The following CCDC201 variants were observed in gnomAD, a reference collection of about 807,000 sequenced individuals.
CCDC201 encodes the protein coiled-coil domain containing 201.
intron 1 of CCDC201, among the ~76,000 whole-genome samples, chr7:45,869,538 C>T (rs939473595): frequency 3.3e-5 from 5 of 152,178 alleles, no homozygotes; most frequent in African/African-American, 1.2e-4. Context: ...TGATCATGAC[C>T]ACTTACAGAG....
upstream of CCDC201, among the ~76,000 whole-genome samples, chr7:45,875,595 A>G (rs182125039): frequency 1.1e-4 from 17 of 152,314 alleles, no homozygotes; most frequent in African/African-American, 3.8e-4. Flanking sequence ...ATTTTTTCTA[A>G]AAACAACACC....
chr7:45,883,971 CTTTCTTTCTTTTCT>C, the CCDC201 span, among the ~76,000 whole-genome samples: 4 of 151,136 alleles, frequency 2.6e-5, no homozygotes, highest in Admixed American at 1.3e-4. Flanking sequence ...CTTTCTTTTT[CTTTCTTTCTTTTCT>C]TTTCTTTCTT....
chr7:45,862,313 C>G (rs1562788786), exon 3 of CCDC201: 4 of 152,286 alleles, frequency 2.6e-5, no homozygotes, highest in Admixed American at 2.0e-4. Context: ...CTCCTGGAGA[C>G]TTCTCAGCCA....
At chr7:45,867,415 T>A (rs369542003) in intron 1 of CCDC201, among the ~76,000 whole-genome samples, 21 of 152,348 alleles carry the variant, frequency 1.4e-4, no homozygotes, top group African/African-American at 4.6e-4. Flanking sequence ...CCAGTTACAA[T>A]GTCTGCTGCA....
chr7:45,884,717 G>T, the CCDC201 span, among the ~76,000 whole-genome samples: 1 of 152,134 alleles, frequency 6.6e-6, no homozygotes, highest in Non-Finnish European at 1.5e-5. Flanking sequence ...ACCAGCCATG[G>T]CCAGCAGCTT....
upstream of CCDC201, among the ~76,000 whole-genome samples, chr7:45,877,022 G>T (rs1280971237): frequency 6.6e-6 from 1 of 152,218 alleles, no homozygotes; most frequent in Non-Finnish European, 1.5e-5. Context: ...GCAGGATGAG[G>T]TTCAGAGCCC....
chr7:45,876,583 A>G (rs749934559), upstream of CCDC201, among the ~76,000 whole-genome samples: 74 of 152,104 alleles, frequency 4.9e-4, no homozygotes, highest in Non-Finnish European at 9.7e-4. Context: ...GGTTGCCCCA[A>G]CCTCCTGAAT....
intron 1 of CCDC201, among the ~76,000 whole-genome samples, chr7:45,867,699 G>A (rs1336652699): frequency 6.6e-6 from 1 of 152,200 alleles, no homozygotes; most frequent in Non-Finnish European, 1.5e-5. Flanking sequence ...AACCCTGAGG[G>A]CTGCACCTAG....
At chr7:45,863,431 A>C (rs1786627180) in intron 2 of CCDC201, among the ~76,000 whole-genome samples, 1 of 152,160 alleles carries the variant, frequency 6.6e-6, no homozygotes, top group African/African-American at 2.4e-5. Flanking sequence ...TGTGTCTGAC[A>C]AAGGAGGGGA....
intron 2 of CCDC201, 147 bp downstream of exon 2, chr7:45,865,889 C>G (rs577398539): frequency 6.6e-6 from 1 of 152,648 alleles, no homozygotes; most frequent in African/African-American, 2.4e-5. Flanking sequence ...TGTGTTGGCC[C>G]CCAATGCCAC....
At chr7:45,885,059 A>T in the CCDC201 span, among the ~76,000 whole-genome samples, 1 of 152,222 alleles carries the variant, frequency 6.6e-6, no homozygotes, top group Non-Finnish European at 1.5e-5. Context: ...GGGGGATATC[A>T]GGATAGAGTC....
chr7:45,881,298 A>T, the CCDC201 span, among the ~76,000 whole-genome samples: 1 of 152,112 alleles, frequency 6.6e-6, no homozygotes, highest in African/African-American at 2.4e-5. Context: ...CAGCAATGAT[A>T]GCTCTGCCTC....
chr7:45,883,629 C>T, the CCDC201 span, among the ~76,000 whole-genome samples: 7 of 152,156 alleles, frequency 4.6e-5, no homozygotes, highest in South Asian at 6.2e-4. Flanking sequence ...GCATGGACCT[C>T]GTCTATGGCT....
chr7:45,865,507 G>A (rs931762833), intron 2 of CCDC201, among the ~76,000 whole-genome samples: 2 of 152,192 alleles, frequency 1.3e-5, no homozygotes, highest in African/African-American at 2.4e-5. Context: ...CCTCTTCAAA[G>A]CATAGGAAGA....
At chr7:45,884,687 A>C in the CCDC201 span, among the ~76,000 whole-genome samples, 1 of 152,012 alleles carries the variant, frequency 6.6e-6, no homozygotes, top group Non-Finnish European at 1.5e-5. Context: ...TGCTTGGGGG[A>C]AGGCCACTTA....
chr7:45,876,616 G>A (rs988728897), upstream of CCDC201, among the ~76,000 whole-genome samples: 1 of 152,212 alleles, frequency 6.6e-6, no homozygotes, highest in South Asian at 2.1e-4. Flanking sequence ...TGACCTCCTG[G>A]CACATAGGTA....
the CCDC201 span, among the ~76,000 whole-genome samples, chr7:45,881,648 C>CAGAATGA: frequency 6.6e-6 from 1 of 152,174 alleles, no homozygotes; most frequent in Non-Finnish European, 1.5e-5. Context: ...GAGAGCATAA[C>CAGAATGA]AGAATGAAGA....
chr7:45,877,989 T>A (rs2116532624), upstream of CCDC201, among the ~76,000 whole-genome samples: 1 of 152,286 alleles, frequency 6.6e-6, no homozygotes, highest in South Asian at 2.1e-4. Context: ...GTACAGGCAT[T>A]GGAAAATGCC....
the CCDC201 span, among the ~76,000 whole-genome samples, chr7:45,879,428 T>C: frequency 6.6e-6 from 1 of 152,220 alleles, no homozygotes; most frequent in Non-Finnish European, 1.5e-5. Flanking sequence ...GGGTAATTTA[T>C]AAAGAAAAGA....
Sources: allele counts gnomAD v4.1 joint callset (sites outside exome capture counted in the v4.1 genomes callset), GRCh38; gene constraint gnomAD v4.1.1; transcripts MANE v1.5; gene names NCBI Gene and HGNC (gene_info 2026-07-23, HGNC 2026-07-21).